LIPN: variants seen among roughly 807,000 people sequenced by gnomAD.
LIPN encodes lipase member N.
In LIPN, 32 loss-of-function variants were observed where a neutral mutation model predicts 43.7. That is an observed-to-expected ratio of 0.73 (90% CI 0.55 to 0.98). The LOEUF is 0.98. Among genes scored for constraint, LIPN ranks in the 50% least tolerant of loss-of-function variants. The pLI is 0.00. For missense variants in LIPN, 505 were observed against 483.8 expected (o/e 1.04, Z -0.41); for synonymous variants, 156 against 157.6 (o/e 0.99, Z 0.08).
intron 4 of LIPN, 143 bp downstream of exon 4, chr10:88,764,751 G>C (rs1843064353): frequency 3.7e-6 from 2 of 545,178 alleles, no homozygotes; most frequent in Non-Finnish European, 6.1e-6. Context: ...GAGGGTAACA[G>C]CAAGAAGCTC....
intron 9 of LIPN, among the ~76,000 whole-genome samples, chr10:88,777,321 A>G (rs1032865618): frequency 1.3e-5 from 2 of 152,012 alleles, no homozygotes; most frequent in African/African-American, 4.8e-5. Flanking sequence ...GCATTCCCCA[A>G]GGATTCTTCA....
intron 8 of LIPN, 37 bp from the exon 9 acceptor site, chr10:88,775,055 C>T (rs1407210073): frequency 9.4e-6 from 13 of 1,379,900 alleles, no homozygotes; most frequent in Non-Finnish European, 1.3e-5. Flanking sequence ...ATGATTCTTA[C>T]CCTAACTATT....
intron 7 of LIPN, among the ~76,000 whole-genome samples, chr10:88,771,285 C>T (rs886858745): frequency 2.0e-5 from 3 of 151,824 alleles, no homozygotes; most frequent in African/African-American, 7.2e-5. Context: ...TAATTTGACT[C>T]TTCTAGTTAT....
chr10:88,767,279 A>T (rs1018784980), intron 5 of LIPN, among the ~76,000 whole-genome samples: 1 of 151,890 alleles, frequency 6.6e-6, no homozygotes, highest in African/African-American at 2.4e-5. Flanking sequence ...AGCTCAGAAC[A>T]GGCAGTTAGC....
chr10:88,768,015 TACACACACACACACACAC>T (rs60861050), intron 5 of LIPN, among the ~76,000 whole-genome samples: 109 of 141,062 alleles, frequency 7.7e-4, no homozygotes, highest in African/African-American at 1.2e-3. Flanking sequence ...AGTGTTTCAG[TACACACACACACACACAC>T]ACACACACAC....
chr10:88,771,756 T>C (rs75024535), intron 7 of LIPN, among the ~76,000 whole-genome samples: 27,595 of 151,500 alleles, frequency 0.18, 2,553 homozygotes, highest in Non-Finnish European at 0.2. Flanking sequence ...TTTTTTTTTT[T>C]TGAATATAGA....
intron 7 of LIPN, among the ~76,000 whole-genome samples, chr10:88,771,253 T>C (rs527351927): frequency 5.3e-5 from 8 of 151,964 alleles, no homozygotes; most frequent in African/African-American, 1.9e-4. Context: ...GCATTTATCA[T>C]TTCTTTTTGT....
At chr10:88,774,728 C>T (rs1843268295) in intron 8 of LIPN, among the ~76,000 whole-genome samples, 184 bp downstream of exon 8, 1 of 151,770 alleles carries the variant, frequency 6.6e-6, no homozygotes, top group Non-Finnish European at 1.5e-5. Flanking sequence ...TGGTACAGAC[C>T]AAGTAGATGA....
At chr10:88,758,959 T>C (rs1214532397), upstream of LIPN, among the ~76,000 whole-genome samples, 1 of 152,102 alleles carries the variant, frequency 6.6e-6, no homozygotes, top group Non-Finnish European at 1.5e-5. Flanking sequence ...AAAGTTTTGT[T>C]AGAAAGGATT....
intron 4 of LIPN, among the ~76,000 whole-genome samples, 169 bp downstream of exon 4, chr10:88,764,777 T>G (rs2134832975): frequency 6.6e-6 from 1 of 152,034 alleles, no homozygotes; most frequent in South Asian, 2.1e-4. Context: ...TTTCACTGAT[T>G]CTCCCACAGG....
chr10:88,761,629 G>A (rs1245743865), intron 2 of LIPN, 116 bp downstream of exon 2: 7 of 700,782 alleles, frequency 1.0e-5, no homozygotes, highest in South Asian at 2.0e-5. Context: ...AATGTAGATG[G>A]TTTTTAACCT....
chr10:88,770,864 G>C lies in LIPN; in HGVS notation c.692G>C (p.Gly231Ala). ...SIIKAVFGTKGFFLEDKKTKI... is the reference protein window; with the variant it reads ...SIIKAVFGTKAFFLEDKKTKI... ...TCATAGGCTGTTTTTGGTACCAAAG[G>C]TTTCTTTTTAGAAGATAAGAAAACG... The change falls in exon 7 of 10, where the codon GGT becomes GCT. Residue 231 changes from glycine (G) to alanine (A), a missense_variant. By Grantham distance (60) the Gly-to-Ala change is moderately conservative (BLOSUM62 0). Coordinates refer to ENST00000404459, the MANE Select transcript of LIPN (RefSeq NM_001102469.2). The C allele has an allele frequency of 6.6e-7, 1 of 1,521,322 alleles. No homozygotes were observed. The highest frequency in any genetic ancestry group is 1.2e-5 in the South Asian group (1 of 81,090). 94.2% of individuals were successfully genotyped at this position (1,521,322 alleles called of 1,614,324 possible).
chr10:88,762,765 CA>C (rs1843024345), intron 3 of LIPN, among the ~76,000 whole-genome samples: 1 of 152,054 alleles, frequency 6.6e-6, no homozygotes, highest in East Asian at 1.9e-4. Context: ...AGTTAAATGA[CA>C]ACGCATTTCT....
At position 88,768,899 on chromosome 10, in the gene LIPN, T is replaced by C. The variant is rs770354320; in HGVS notation, c.643T>C (p.Phe215Leu). Residue 215 changes from phenylalanine to leucine, a missense_variant, in exon 6 of 10, where the codon TTT becomes CTT. Physicochemically the swap from Phe to Leu is conservative, Grantham distance 22 (BLOSUM62 0). Coordinates refer to ENST00000404459, the MANE Select transcript of LIPN (RefSeq NM_001102469.2). ...ATATCCCACGGGCATTTTTACCAGG[T>C]TTTTTCTACTTCCAAATTCCATAAT... ...FKYPTGIFTR[F>L]FLLPNSIIKA... 7.4e-6 allele frequency: 12 copies of C among 1,611,406 alleles called. No individual in the cohort carries two copies. The highest frequency in any genetic ancestry group is 9.3e-6 in the Non-Finnish European group (11 of 1,178,324).
rs747263224 is a variant in LIPN at position 88,770,975 on chromosome 10, A to T, written c.803A>T (p.Lys268Met). Residue 268 changes from lysine (K) to methionine (M), a missense_variant, in exon 7 of 10, where the codon AAG becomes ATG. Transcript: ENST00000404459. ...ATGTCCTTATGGGCTGGATCCAACA[A>T]GAAAAATATGAATCAGGTATGTATG... is the stretch of plus-strand genomic sequence containing the variant. ...EFMSLWAGSNKKNMNQSRMDV... is the reference protein window; with the variant it reads ...EFMSLWAGSNMKNMNQSRMDV... 1.9e-6 allele frequency: 3 copies of T among 1,572,694 alleles called. No individual in the cohort carries two copies. The highest frequency in any genetic ancestry group is 2.7e-5 in the African/African-American group (2 of 73,996).
chr10:88,775,149 A>C lies in LIPN; in HGVS notation c.949A>C (p.Lys317Gln). The change falls in exon 9 of 10, where the codon AAA (lysine) becomes CAA (glutamine). Residue 317 changes from lysine (K) to glutamine (Q), a missense_variant. Coordinates refer to ENST00000404459, the MANE Select transcript of LIPN (RefSeq NM_001102469.2). The stretch of plus-strand genomic sequence containing the variant: ...CTGGGGAAATGACGCTGATAATATG[A>C]AACATTACAATCAGGTGAGCTATTT... ...YDWGNDADNM[K>Q]HYNQSHPPIY... is the part of the protein sequence containing the mutation. 1 of 1,543,726 alleles carries C rather than the reference A, an allele frequency of 6.5e-7. No homozygotes were observed.
At chr10:88,763,667 A>T (rs1475033396) in intron 3 of LIPN, among the ~76,000 whole-genome samples, 1 of 152,034 alleles carries the variant, frequency 6.6e-6, no homozygotes, top group Non-Finnish European at 1.5e-5. Flanking sequence ...GCTCTTAGTC[A>T]TTAAATTATA....
upstream of LIPN, among the ~76,000 whole-genome samples, chr10:88,759,754 T>C (rs1364364567): frequency 1.3e-5 from 2 of 152,106 alleles, no homozygotes; most frequent in Non-Finnish European, 1.5e-5. Flanking sequence ...TTGAGTATGT[T>C]CTACTTCCCT....
At position 88,764,660 on chromosome 10, in the gene LIPN, A is replaced by T. The variant is rs1843062421; in HGVS notation, c.425+52A>T. On this transcript the variant is annotated intron_variant, in intron 4 of 9. Coordinates refer to ENST00000404459, the MANE Select transcript of LIPN (RefSeq NM_001102469.2). ...GGGGAAATTGGAGGCAATTTAAAAAAAATAACGTGGACGCTATTAATGATT... is the reference window on the plus strand; with the variant it reads ...GGGGAAATTGGAGGCAATTTAAAAATAATAACGTGGACGCTATTAATGATT... 1.4e-5 allele frequency: 18 copies of T among 1,312,740 alleles called. 1 individual carries two copies. Among genetic ancestry groups the T allele is most frequent in the Non-Finnish European group, 5.3e-6 (5 of 950,010 alleles). The allele number at this position is 1,312,740 out of a possible 1,614,324, so 81.3% of individuals were successfully genotyped here.
Sources: gnomAD v4.1 joint callset for allele counts (sites outside exome capture counted in the v4.1 genomes callset) on GRCh38, gnomAD v4.1.1 for gene constraint, MANE v1.5 for transcripts, NCBI Gene and HGNC (gene_info 2026-07-23, HGNC 2026-07-21) for gene names.